CYP19A1: variants seen among roughly 807,000 people sequenced by gnomAD.
CYP19A1 encodes the protein aromatase.
In CYP19A1, 32 loss-of-function variants were observed where a neutral mutation model predicts 44.4. The ratio of observed to expected loss-of-function variants is 0.72; its 90% CI spans 0.54 to 0.97. CYP19A1 has a LOEUF of 0.97. Among genes scored for constraint, CYP19A1 ranks in the 50% least tolerant of loss-of-function variants. The pLI is 0.00. For synonymous variants in CYP19A1, 212 were observed against 215.6 expected, an observed-to-expected ratio of 0.98 and a Z score of 0.14; for missense variants, 598 against 637.8, an observed-to-expected ratio of 0.94 and a Z score of 0.67.
At chr15:51,223,595 A>T (rs201723186) in intron 4 of CYP19A1, among the ~76,000 whole-genome samples, 2,265 of 34,550 alleles carry the variant, frequency 0.066, 24 homozygotes, top group African/African-American at 0.12. Flanking sequence ...TCTCTCTCTC[A>T]CACACACACA....
intron 1 of CYP19A1, among the ~76,000 whole-genome samples, chr15:51,299,694 T>C (rs2036072327): frequency 6.6e-6 from 1 of 152,218 alleles, no homozygotes; most frequent in East Asian, 1.9e-4. Context: ...TAATGGCAGC[T>C]GAAAAAACAA....
chr15:51,329,999 A>T (rs568224924), intron 1 of CYP19A1, among the ~76,000 whole-genome samples: 7 of 152,268 alleles, frequency 4.6e-5, no homozygotes, highest in African/African-American at 1.7e-4. Context: ...GGGACATCAG[A>T]TGTGTGTTTT....
chr15:51,246,291 C>A (rs1193977798), intron 1 of CYP19A1, among the ~76,000 whole-genome samples: 2 of 152,158 alleles, frequency 1.3e-5, no homozygotes, highest in Non-Finnish European at 2.9e-5. Flanking sequence ...ATGCACATGG[C>A]CCTCAGGTGC....
intron 1 of CYP19A1, among the ~76,000 whole-genome samples, chr15:51,320,005 G>A (rs569258595): frequency 2.6e-5 from 4 of 152,316 alleles, no homozygotes; most frequent in African/African-American, 7.2e-5. Flanking sequence ...ATTTGTTCAC[G>A]TATATTAACT....
At chr15:51,330,693 G>C (rs1466234038) in intron 1 of CYP19A1, among the ~76,000 whole-genome samples, 1 of 152,164 alleles carries the variant, frequency 6.6e-6, no homozygotes, top group Non-Finnish European at 1.5e-5. Context: ...TGGGTGCACA[G>C]AAGTTGAAGA....
At chr15:51,261,600 A>C (rs1595732749) in intron 1 of CYP19A1, among the ~76,000 whole-genome samples, 2 of 152,256 alleles carry the variant, frequency 1.3e-5, no homozygotes, top group East Asian at 3.8e-4. Flanking sequence ...AGATGGCACA[A>C]TGCCTTGATA....
At chr15:51,264,107 G>A (rs1416445096) in intron 1 of CYP19A1, among the ~76,000 whole-genome samples, 1 of 152,186 alleles carries the variant, frequency 6.6e-6, no homozygotes, top group African/African-American at 2.4e-5. Context: ...AAAGTGGAGG[G>A]ACCATTGGCT....
At chr15:51,251,220 A>C (rs2034295390) in intron 1 of CYP19A1, among the ~76,000 whole-genome samples, 1 of 152,092 alleles carries the variant, frequency 6.6e-6, no homozygotes, top group African/African-American at 2.4e-5. Flanking sequence ...GAGTTGTGGG[A>C]TTCCTTGCCT....
At chr15:51,216,516 G>T (rs998494308) in intron 6 of CYP19A1, among the ~76,000 whole-genome samples, 1 of 152,184 alleles carries the variant, frequency 6.6e-6, no homozygotes, top group African/African-American at 2.4e-5. Context: ...GCCTCCCAAA[G>T]TGCTGGGATT....
intron 1 of CYP19A1, among the ~76,000 whole-genome samples, chr15:51,305,625 A>G (rs2036201478): frequency 6.6e-6 from 1 of 152,082 alleles, no homozygotes; most frequent in African/African-American, 2.4e-5. Flanking sequence ...CAATGGTGCA[A>G]TCTTGGCTTA....
intron 4 of CYP19A1, among the ~76,000 whole-genome samples, chr15:51,224,903 T>C (rs12595627): frequency 0.66 from 99,983 of 152,014 alleles, 32,878 homozygotes; most frequent in South Asian, 0.75. Flanking sequence ...TCTATCTATT[T>C]GTCTGTGCCT....
intron 1 of CYP19A1, among the ~76,000 whole-genome samples, chr15:51,330,064 A>T (rs2141029738): frequency 6.6e-6 from 1 of 152,282 alleles, no homozygotes; most frequent in Middle Eastern, 3.4e-3. Context: ...AGGCAGAGAA[A>T]TGAGCATGAT....
intron 1 of CYP19A1, among the ~76,000 whole-genome samples, chr15:51,305,145 C>T (rs2036191024): frequency 6.6e-6 from 1 of 152,072 alleles, no homozygotes; most frequent in Non-Finnish European, 1.5e-5. Flanking sequence ...AGTTATCCGC[C>T]CACCTTGGCC....
intron 1 of CYP19A1, among the ~76,000 whole-genome samples, chr15:51,327,902 C>T (rs992597738): frequency 6.6e-6 from 1 of 152,020 alleles, no homozygotes; most frequent in Non-Finnish European, 1.5e-5. Flanking sequence ...ATGGAATACA[C>T]TCACTGGGTT....
intron 1 of CYP19A1, among the ~76,000 whole-genome samples, chr15:51,261,084 C>T (rs1230079417): frequency 8.5e-5 from 13 of 152,200 alleles, no homozygotes; most frequent in Non-Finnish European, 1.9e-4. Flanking sequence ...CACTCCCGAT[C>T]GGGCTAGAGG....
At chr15:51,331,619 C>T (rs533813291) in intron 1 of CYP19A1, among the ~76,000 whole-genome samples, 1 of 150,318 alleles carries the variant, frequency 6.7e-6, no homozygotes, top group Non-Finnish European at 1.5e-5. Flanking sequence ...AGAATGGGGG[C>T]GAGTTCAGGG....
At chr15:51,316,738 A>AAAAG (rs1370310459) in intron 1 of CYP19A1, among the ~76,000 whole-genome samples, 38 of 152,004 alleles carry the variant, frequency 2.5e-4, no homozygotes, top group Admixed American at 2.5e-3. Context: ...AGGAAGAAAG[A>AAAAG]AAAGAAAGAA....
intron 8 of CYP19A1, among the ~76,000 whole-genome samples, 167 bp from the exon 9 acceptor site, chr15:51,212,728 G>T (rs1201186837): frequency 6.6e-6 from 1 of 152,152 alleles, no homozygotes; most frequent in African/African-American, 2.4e-5. Context: ...TTATGCTTGG[G>T]CCACAGAGTG....
intron 1 of CYP19A1, among the ~76,000 whole-genome samples, chr15:51,294,803 C>CA (rs1049262651): frequency 6.6e-6 from 1 of 152,008 alleles, no homozygotes; most frequent in African/African-American, 2.4e-5. Flanking sequence ...GCCCGGCCAC[C>CA]ACCCCGTCTG....
Sources: gnomAD v4.1 joint callset for allele counts (sites outside exome capture counted in the v4.1 genomes callset) on GRCh38, gnomAD v4.1.1 for gene constraint, MANE v1.5 for transcripts, NCBI Gene and HGNC (gene_info 2026-07-23, HGNC 2026-07-21) for gene names.